The following ABCA9 variants were observed in gnomAD, a reference collection of about 807,000 sequenced individuals.
The protein encoded by ABCA9 is ATP-binding cassette sub-family A member 9.
Under a neutral mutation model 205.3 loss-of-function variants are expected in ABCA9, and 183 were observed. The observed-to-expected ratio is 0.89, with a 90% CI of 0.79 to 1.01. The LOEUF (loss-of-function observed/expected upper bound fraction) is 1.01. ABCA9 is among the 50% of genes least tolerant of loss of function. The pLI is 0.00. For missense variants in ABCA9, 1,805 were observed against 1,912.4 expected (o/e 0.94, Z 1.05); for synonymous variants, 651 against 683.3 (o/e 0.95, Z 0.74).
intron 30 of ABCA9, among the ~76,000 whole-genome samples, chr17:68,989,430 G>A (rs2069372228): frequency 6.6e-6 from 1 of 152,128 alleles, no homozygotes; most frequent in Non-Finnish European, 1.5e-5. Context: ...TTCAAAGCCT[G>A]TTGTACGAAC....
At chr17:69,017,006 T>G (rs1024112329) in intron 21 of ABCA9, among the ~76,000 whole-genome samples, 2 of 152,086 alleles carry the variant, frequency 1.3e-5, no homozygotes, top group Non-Finnish European at 2.9e-5. Flanking sequence ...CCTAATTACC[T>G]AAAGCAATGT....
upstream of ABCA9, chr17:69,061,281 G>A: frequency 2.6e-6 from 1 of 388,384 alleles, no homozygotes; most frequent in Non-Finnish European, 3.5e-6. Context: ...TAAGTAAGAA[G>A]CCAATCCAGA....
intron 16 of ABCA9, 61 bp downstream of exon 16, chr17:69,026,316 T>C: frequency 7.4e-7 from 1 of 1,351,544 alleles, no homozygotes; most frequent in South Asian, 1.2e-5. Flanking sequence ...TTGATGCTGA[T>C]ACCACCTGCC....
chr17:69,026,900 C>T lies in ABCA9; in HGVS notation c.2050+76G>A, dbSNP rs1598389448. The T allele has an allele frequency of 8.5e-6, 13 of 1,524,876 alleles. No individual in the cohort carries two copies. The East Asian group carries it at 3.0e-4, about 35-fold the overall frequency. 94.5% of individuals were successfully genotyped at this position (1,524,876 alleles called of 1,614,324 possible). On this transcript the variant is annotated intron_variant, in intron 15 of 38. Transcript: ENST00000340001. The stretch of plus-strand genomic sequence containing the variant: ...CCATGGCAGTTCCAGGGAGACACAG[C>T]TGTGGAGCATACCTGTTCATATTCC...
rs1402570196 is a variant in ABCA9 at position 69,026,451 on chromosome 17, T to C, written c.2067A>G (p.Ile689Met). The C allele has an allele frequency of 1.9e-6, 3 of 1,613,410 alleles. No individual in the cohort carries two copies. Among genetic ancestry groups the C allele is most frequent in the East Asian group, 4.5e-5 (2 of 44,872 alleles). ...ADILADRKVF[I>M]SNGKLKCAGS... is the part of the protein sequence containing the mutation. Reference sequence around the variant, plus strand: ...CTGCACACTTCAGCTTCCCATTGGATATGAACACCTTCCTGTCTAGTTAGA... The same window carrying C: ...CTGCACACTTCAGCTTCCCATTGGACATGAACACCTTCCTGTCTAGTTAGA... The change falls in exon 16 of 39, where the codon ATA becomes ATG. Residue 689 changes from isoleucine to methionine, a missense_variant. Coordinates refer to ENST00000340001, the MANE Select transcript of ABCA9 (RefSeq NM_080283.4).
At chr17:69,039,296 C>G (rs937819403) in intron 6 of ABCA9, among the ~76,000 whole-genome samples, 4 of 152,166 alleles carry the variant, frequency 2.6e-5, no homozygotes, top group Non-Finnish European at 4.4e-5. Context: ...AGGCATCACA[C>G]TATTTGACTT....
At position 68,975,644 on chromosome 17, in the gene ABCA9, A is replaced by G. The variant is rs2068873279; in HGVS notation, c.*271T>C. On this transcript the variant is annotated 3_prime_UTR_variant, in exon 39 of 39. Coordinates refer to ENST00000340001, the MANE Select transcript of ABCA9 (RefSeq NM_080283.4). ...CATCCTCAGAAATGTAGACAATTCT[A>G]TAATAAATGCATTTTTAAACTTAAC... The G allele has an allele frequency of 7.3e-6, 2 of 272,526 alleles. No homozygotes were observed. Among genetic ancestry groups the G allele is most frequent in the Non-Finnish European group, 1.4e-5 (2 of 144,118 alleles). The allele number at this position is 272,526 out of a possible 1,614,324, so 16.9% of individuals were successfully genotyped here.
In ABCA9 at chr17:68,975,882, AGGATTAAAGAAAGATATAG is replaced by A. The variant is rs754305749; in HGVS notation, c.*14_*32del. ...AAAATATTATCTTTAAAAGAGTCAC[AGGATTAAAGAAAGATATAG>A]GGTATTTGGAGCTTTAAGGCTCTTC... On this transcript the variant is annotated 3_prime_UTR_variant, in exon 39 of 39. Transcript: ENST00000340001. 1.3e-6 allele frequency: 2 copies of A among 1,484,452 alleles called. No homozygotes were observed. The highest frequency in any genetic ancestry group is 2.3e-5 in the South Asian group (2 of 86,156). The allele number at this position is 1,484,452 out of a possible 1,614,324, so 92.0% of individuals were successfully genotyped here.
chr17:69,009,826 T>C (rs186597988), intron 23 of ABCA9, among the ~76,000 whole-genome samples: 19 of 152,170 alleles, frequency 1.2e-4, no homozygotes, highest in Non-Finnish European at 2.8e-4. Context: ...ATTAGCCAGC[T>C]ATGAAGATGA....
chr17:69,026,977 C>T lies in ABCA9; in HGVS notation c.2049G>A (p.Ala683=), dbSNP rs777690188. The change falls in exon 15 of 39, where the codon GCG becomes GCA. Residue 683 remains alanine (A), a splice_region_variant and synonymous_variant. Transcript: ENST00000340001. Reference sequence around the variant, plus strand: ...TACATAAGAGAAACAAAAAATTACCCGCCAGAATGTCAGCCTCATCTATAA... The same window carrying T: ...TACATAAGAGAAACAAAAAATTACCTGCCAGAATGTCAGCCTCATCTATAA... ...TQFIDEADIL[A]DRKVFISNGK... 48 of 1,613,516 alleles carry T rather than the reference C, an allele frequency of 3.0e-5. No homozygotes were observed. The highest frequency in any genetic ancestry group is 3.5e-5 in the Non-Finnish European group (41 of 1,179,812).
At chr17:69,056,431 C>T (rs997009182) in intron 1 of ABCA9, among the ~76,000 whole-genome samples, 1 of 152,142 alleles carries the variant, frequency 6.6e-6, no homozygotes, top group African/African-American at 2.4e-5. Context: ...CGAATCAGTT[C>T]CTTCAAAGAG....
chr17:68,987,250 C>T (rs1461131215), intron 31 of ABCA9, among the ~76,000 whole-genome samples: 1 of 152,148 alleles, frequency 6.6e-6, no homozygotes, highest in African/African-American at 2.4e-5. Context: ...TGGGATCCAC[C>T]TTCAGAATCC....
rs377484971 is a variant in ABCA9, at chr17:69,049,398, C to T, written c.189G>A (p.Met63Ile). Residue 63 changes from methionine (M) to isoleucine (I), a missense_variant, in exon 3 of 39, where the codon ATG becomes ATA. By Grantham distance (10) the Met-to-Ile change is conservative. Coordinates refer to ENST00000340001, the MANE Select transcript of ABCA9 (RefSeq NM_080283.4). ...QVHDTPQMSSMDLGRVDSFND... is the reference protein window; with the variant it reads ...QVHDTPQMSSIDLGRVDSFND... ...TAAAACTATCTACACGTCCCAGATC[C>T]ATTGAAGACATTTGAGGAGTGTCAT... 81 of 1,612,654 alleles carry T rather than the reference C, an allele frequency of 5.0e-5. No homozygotes were observed. Among genetic ancestry groups the T allele is most frequent in the Non-Finnish European group, 6.5e-5 (77 of 1,179,152 alleles).
chr17:69,076,975 CT>C, the ABCA9 span, among the ~76,000 whole-genome samples: 1 of 151,644 alleles, frequency 6.6e-6, no homozygotes, highest in East Asian at 1.9e-4. Context: ...TTTGGTTTCA[CT>C]TATTCTTCAT....
At chr17:69,018,369 A>C (rs1327757646) in intron 20 of ABCA9, 44 bp downstream of exon 20, 1 of 1,419,772 alleles carries the variant, frequency 7.0e-7, no homozygotes, top group Non-Finnish European at 9.3e-7. Flanking sequence ...GGAATCTCTC[A>C]ACAAGAACAA....
chr17:69,017,695 T>A lies in ABCA9; in HGVS notation c.2862A>T (p.Pro954=), dbSNP rs771109632. ...ACACAATGATAGCACCATTGTAAGA[T>A]GGGTCATCTGTGCCATTTCTAGTTC... The part of the protein sequence containing the change: ...AFGTRNGTDD[P]SYNGAIIVSG... Residue 954 remains proline, a synonymous_variant, in exon 21 of 39, where the codon CCA becomes CCT. Coordinates refer to ENST00000340001, the MANE Select transcript of ABCA9 (RefSeq NM_080283.4). 6 of 1,613,428 alleles carry A rather than the reference T, an allele frequency of 3.7e-6. No homozygotes were observed.
At chr17:68,993,354 T>C (rs1396434325) in intron 26 of ABCA9, among the ~76,000 whole-genome samples, 1 of 152,162 alleles carries the variant, frequency 6.6e-6, no homozygotes, top group Non-Finnish European at 1.5e-5. Context: ...GCTGGCAGGA[T>C]CCTTTGAAGC....
At chr17:68,978,751 T>A (rs905831310) in intron 37 of ABCA9, among the ~76,000 whole-genome samples, 5 of 152,118 alleles carry the variant, frequency 3.3e-5, no homozygotes, top group Non-Finnish European at 5.9e-5. Context: ...GAATATGAAA[T>A]TCTCTCAATA....
chr17:69,059,643 T>C (rs73354208), intron 1 of ABCA9, among the ~76,000 whole-genome samples: 4,608 of 150,510 alleles, frequency 0.031, 229 homozygotes, highest in African/African-American at 0.1. Context: ...AACTCTGTTT[T>C]GTTCTAAACC....
Sources: allele counts gnomAD v4.1 joint callset (sites outside exome capture counted in the v4.1 genomes callset), GRCh38; gene constraint gnomAD v4.1.1; transcripts MANE v1.5; gene names NCBI Gene and HGNC (gene_info 2026-07-23, HGNC 2026-07-21).